Variants in IL1RAPL2 observed in about 807,000 individuals in gnomAD.
The protein encoded by IL1RAPL2 is interleukin 1 receptor accessory protein like 2, also known as X-linked interleukin-1 receptor accessory protein-like 2.
A neutral mutation model predicts 44.1 loss-of-function variants in IL1RAPL2; 3 were observed. That is an observed-to-expected ratio of 0.07 (90% CI 0.03 to 0.18). IL1RAPL2 has a LOEUF of 0.18. Ranked by LOEUF, IL1RAPL2 falls within the 10% of genes least tolerant of loss-of-function variation. IL1RAPL2 has a pLI of 1.00. For synonymous variants in IL1RAPL2, 181 were observed against 178.8 expected (o/e 1.01, Z -0.10); for missense variants, 391 against 496.4 (o/e 0.79, Z 2.02).
At chrX:105,310,033 AT>A (rs1386884247) in intron 5 of IL1RAPL2, among the ~76,000 whole-genome samples, 1 of 111,335 alleles carries the variant, frequency 9.0e-6, no homozygotes, top group East Asian at 2.8e-4. Flanking sequence ...CAACTCTTTT[AT>A]CTGAAACATT....
intron 6 of IL1RAPL2, among the ~76,000 whole-genome samples, chrX:105,570,063 C>G (rs1407493402): frequency 1.8e-5 from 2 of 110,534 alleles, no homozygotes; most frequent in South Asian, 3.9e-4. Context: ...TTTGGTGTAC[C>G]CTTCACCTGA....
chrX:104,923,842 A>G (rs887060737), intron 2 of IL1RAPL2, among the ~76,000 whole-genome samples: 1 of 97,278 alleles, frequency 1.0e-5, no homozygotes, highest in Non-Finnish European at 2.1e-5. Flanking sequence ...TGTACCAATT[A>G]AAAGATATAG....
chrX:105,505,926 T>G (rs751804294), intron 6 of IL1RAPL2, among the ~76,000 whole-genome samples: 1 of 111,599 alleles, frequency 9.0e-6, no homozygotes, highest in Admixed American at 9.5e-5. Context: ...GTCTAAGGTA[T>G]TGGTGGAGAT....
intron 5 of IL1RAPL2, among the ~76,000 whole-genome samples, chrX:105,267,994 A>T (rs1334225158): frequency 2.7e-5 from 3 of 112,093 alleles, no homozygotes; most frequent in Non-Finnish European, 5.6e-5. Context: ...GAGTGATGTT[A>T]TTGTGAGCTT....
chrX:104,790,431 G>A (rs764806903), intron 2 of IL1RAPL2, among the ~76,000 whole-genome samples: 10 of 111,303 alleles, frequency 9.0e-5, no homozygotes, highest in Non-Finnish European at 1.7e-4. Flanking sequence ...GAGCATGAAG[G>A]GTGACGAGAA....
chrX:104,946,297 C>T (rs1282629232), intron 2 of IL1RAPL2, among the ~76,000 whole-genome samples: 115 of 84,249 alleles, frequency 1.4e-3, no homozygotes, highest in Middle Eastern at 7.2e-3. Flanking sequence ...GGCGTGAACC[C>T]GGGAAGCGGA....
At chrX:105,078,083 C>T (rs199657249) in intron 2 of IL1RAPL2, among the ~76,000 whole-genome samples, 7 of 112,073 alleles carry the variant, frequency 6.2e-5, no homozygotes, top group Non-Finnish European at 1.3e-4. Flanking sequence ...TGAGGAGCTG[C>T]GTTCCTTTGG....
intron 2 of IL1RAPL2, among the ~76,000 whole-genome samples, chrX:104,963,552 G>C (rs1023466257): frequency 9.0e-6 from 1 of 111,655 alleles, no homozygotes; most frequent in Non-Finnish European, 1.9e-5. Context: ...CCTGGATCTT[G>C]TTGTGCCCTG....
At chrX:104,980,190 A>G (rs1315654374) in intron 2 of IL1RAPL2, among the ~76,000 whole-genome samples, 1 of 111,437 alleles carries the variant, frequency 9.0e-6, no homozygotes, top group Non-Finnish European at 1.9e-5. Flanking sequence ...TTTACAAGAG[A>G]CACAAAGAAA....
At chrX:104,978,868 T>G (rs2030385184) in intron 2 of IL1RAPL2, among the ~76,000 whole-genome samples, 1 of 111,654 alleles carries the variant, frequency 9.0e-6, no homozygotes, top group South Asian at 3.7e-4. Context: ...GAAAAACCAT[T>G]AACTCTATTG....
intron 2 of IL1RAPL2, among the ~76,000 whole-genome samples, chrX:105,026,059 T>C (rs1209376321): frequency 9.1e-6 from 1 of 110,273 alleles, no homozygotes; most frequent in African/African-American, 3.3e-5. Flanking sequence ...AAAGCATTGA[T>C]GGGGGAATGG....
intron 6 of IL1RAPL2, among the ~76,000 whole-genome samples, chrX:105,638,858 T>G (rs979822567): frequency 1.8e-5 from 2 of 111,980 alleles, no homozygotes; most frequent in African/African-American, 6.5e-5. Flanking sequence ...ATCTCAGGCT[T>G]TTATGTTGAC....
At chrX:104,952,345 G>T (rs749782208) in intron 2 of IL1RAPL2, among the ~76,000 whole-genome samples, 1 of 111,765 alleles carries the variant, frequency 8.9e-6, no homozygotes, top group South Asian at 3.7e-4. Flanking sequence ...TGAAAAACTT[G>T]CACGAGGCCA....
At chrX:105,107,743 G>A (rs2032757781) in intron 2 of IL1RAPL2, among the ~76,000 whole-genome samples, 1 of 111,401 alleles carries the variant, frequency 9.0e-6, no homozygotes, top group Non-Finnish European at 1.9e-5. Flanking sequence ...GCAATAAAAG[G>A]TCAAATCTGG....
At chrX:105,552,249 T>C (rs2036863009) in intron 6 of IL1RAPL2, among the ~76,000 whole-genome samples, 1 of 112,098 alleles carries the variant, frequency 8.9e-6, no homozygotes, top group African/African-American at 3.2e-5. Flanking sequence ...TGAAAGATAG[T>C]AGATTCTAGT....
Position 105,222,496 on chromosome X carries a change from G to A in IL1RAPL2, c.357-11322G>A, listed in dbSNP as rs189312910. Among the ~76,000 whole-genome samples the A allele has an allele frequency of 6.2e-5, 7 of 112,119 alleles. No homozygotes were observed. The East Asian group carries it at 1.7e-3, about 27-fold the overall frequency. On this transcript the variant is annotated intron_variant, in intron 3 of 10. Coordinates refer to ENST00000372582, the MANE Select transcript of IL1RAPL2 (RefSeq NM_017416.2). ...TTTATTTATCAGCCATCAGTGGAAA[G>A]GGTTCATGTTTTGGCTTATTCTAGA...
At chrX:105,055,257 C>A (rs1398977421) in intron 2 of IL1RAPL2, among the ~76,000 whole-genome samples, 1 of 111,456 alleles carries the variant, frequency 9.0e-6, no homozygotes, top group Non-Finnish European at 1.9e-5. Flanking sequence ...GTCTTTGGGC[C>A]TCTTTTATAA....
intron 2 of IL1RAPL2, among the ~76,000 whole-genome samples, chrX:104,682,371 T>C (rs1930903000): frequency 8.9e-6 from 1 of 112,480 alleles, no homozygotes. Flanking sequence ...AGGTGACTGC[T>C]TTGTTAACTA....
chrX:105,354,200 C>T (rs1421280088), intron 5 of IL1RAPL2, among the ~76,000 whole-genome samples: 1 of 109,799 alleles, frequency 9.1e-6, no homozygotes, highest in African/African-American at 3.4e-5. Flanking sequence ...GACACATGCA[C>T]ACGTATGTTT....
Sources: gnomAD v4.1 joint callset for allele counts (sites outside exome capture counted in the v4.1 genomes callset) on GRCh38, gnomAD v4.1.1 for gene constraint, MANE v1.5 for transcripts, NCBI Gene and HGNC (gene_info 2026-07-23, HGNC 2026-07-21) for gene names.